KALRN: variants seen among roughly 807,000 people sequenced by gnomAD.
The protein encoded by KALRN is kalirin RhoGEF kinase.
KALRN carries 70 observed loss-of-function variants against 353.7 expected under a neutral mutation model. That is an observed-to-expected ratio of 0.20 (90% CI 0.16 to 0.24). The LOEUF (loss-of-function observed/expected upper bound fraction) is 0.24. KALRN is among the 10% of genes least tolerant of loss of function. The pLI, the probability that KALRN is intolerant of heterozygous loss-of-function variation, is 1.00. For missense variants in KALRN, 2,791 were observed against 3,756.7 expected (o/e 0.74, Z 6.72); for synonymous variants, 1,391 against 1,434.8 (o/e 0.97, Z 0.69).
At position 124,334,576 on chromosome 3, in the gene KALRN, C is replaced by T; in HGVS notation, c.1647+81C>T. ...CAAGTCCCTGACCTAGGTGATCAGG[C>T]TTAGGAGAGCCCAGATTTATAGAAG... On this transcript the variant is annotated intron_variant, in intron 9 of 59. Transcript: ENST00000682506. The surrounding 1 kb of genome is among the most constrained non-coding windows in gnomAD (Gnocchi z 4.2). The T allele has an allele frequency of 1.1e-6, 1 of 891,134 alleles. No homozygotes were observed. 55.2% of individuals were successfully genotyped at this position (891,134 alleles called of 1,614,324 possible). A position where few individuals can be genotyped will look rare whatever the true frequency, so the allele number is the denominator to read the frequency against.
chr3:124,271,352 A>T (rs1228177205), intron 5 of KALRN, among the ~76,000 whole-genome samples: 1 of 152,150 alleles, frequency 6.6e-6, no homozygotes, highest in Non-Finnish European at 1.5e-5. Flanking sequence ...TGCATAGGGC[A>T]CAGATAGTGC....
At chr3:124,413,749 G>A (rs980156733) in intron 14 of KALRN, 84 bp downstream of exon 14, 9 of 1,055,058 alleles carry the variant, frequency 8.5e-6, no homozygotes, top group South Asian at 1.7e-5. Context: ...GTGCCACATC[G>A]TTTATTCATT....
chr3:124,100,153 G>T (rs1401854282), intron 1 of KALRN, among the ~76,000 whole-genome samples: 1 of 152,064 alleles, frequency 6.6e-6, no homozygotes, highest in Admixed American at 6.5e-5. Context: ...GATATAACGA[G>T]ACTCAGTCTC....
intron 1 of KALRN, among the ~76,000 whole-genome samples, chr3:124,200,726 CT>C (rs1186296972): frequency 1.3e-5 from 2 of 152,054 alleles, no homozygotes; most frequent in Admixed American, 1.3e-4. Flanking sequence ...GCCTGAGAGG[CT>C]TTTCTAAGTC....
At chr3:124,669,761 C>T (rs549564626) in intron 47 of KALRN, among the ~76,000 whole-genome samples, 5 of 152,268 alleles carry the variant, frequency 3.3e-5, no homozygotes, top group South Asian at 4.2e-4. Context: ...AAGTCCCTTA[C>T]ATAAAATGGC....
intron 1 of KALRN, among the ~76,000 whole-genome samples, chr3:124,137,859 C>A (rs1389183404): frequency 2.0e-5 from 3 of 152,076 alleles, no homozygotes; most frequent in African/African-American, 7.2e-5. Flanking sequence ...TAATAGTGTC[C>A]TCTGAGGGCA....
chr3:124,561,670 C>G (rs2072030436), intron 33 of KALRN, among the ~76,000 whole-genome samples: 1 of 152,184 alleles, frequency 6.6e-6, no homozygotes, highest in African/African-American at 2.4e-5. Context: ...GCCCTGAAGG[C>G]TTAAATCAGA....
rs371627843 is a variant in KALRN, at chr3:124,682,449, G to A, written c.7377+2932G>A. Among the ~76,000 whole-genome samples, 126 of 152,314 alleles carry A rather than the reference G, an allele frequency of 8.3e-4. No individual in the cohort carries two copies. The Middle Eastern group carries it at 0.014, about 16-fold the overall frequency. On this transcript the variant is annotated intron_variant, in intron 51 of 59. Coordinates refer to ENST00000682506, the MANE Select transcript of KALRN (RefSeq NM_001388419.1). ...ACCATGCACCCTGTGTGTTCACTCC[G>A]TGCTAGATCTCCAGATGTTAAATCC... is the stretch of plus-strand genomic sequence containing the variant.
chr3:124,592,958 T>C (rs2075948408), intron 34 of KALRN, among the ~76,000 whole-genome samples: 1 of 152,208 alleles, frequency 6.6e-6, no homozygotes, highest in African/African-American at 2.4e-5. Context: ...ACTGTCAAAT[T>C]GAAGGGGAGG....
At chr3:124,162,385 A>G (rs968585008) in intron 1 of KALRN, 4 of 152,240 alleles carry the variant, frequency 2.6e-5, no homozygotes, top group Non-Finnish European at 5.9e-5. Context: ...TTGGAACTCA[A>G]CTTCTTTTGG....
intron 34 of KALRN, among the ~76,000 whole-genome samples, chr3:124,577,894 A>AC (rs58503655): frequency 4.0e-5 from 2 of 49,968 alleles, no homozygotes; most frequent in African/African-American, 3.3e-4. Flanking sequence ...AACAAACAAA[A>AC]CCCCCCACCA....
chr3:124,482,832 G>A lies in KALRN; in HGVS notation c.4216G>A (p.Ala1406Thr). Residue 1406 changes from alanine to threonine, a missense_variant, in exon 28 of 60, where the codon GCC (alanine) becomes ACC (threonine). Physicochemically the swap from Ala to Thr is moderately conservative, Grantham distance 58. Around this residue, in one of 11 missense-constraint regions of KALRN, gnomAD observed 54 missense variants for 131.7 expected, o/e 0.41. Coordinates refer to ENST00000682506, the MANE Select transcript of KALRN (RefSeq NM_001388419.1). ...FDEIQQRHGL[A>T]NSISSYLIKP... is the part of the protein sequence containing the mutation. The stretch of plus-strand genomic sequence containing the variant: ...GGAGATACAACAGCGGCATGGTCTG[G>A]CCAACTCCATCTCTTCCTACCTAAT... The A allele has an allele frequency of 6.2e-7, 1 of 1,613,216 alleles. No homozygotes were observed. Among genetic ancestry groups the A allele is most frequent in the Non-Finnish European group, 8.5e-7 (1 of 1,179,246 alleles).
intron 4 of KALRN, among the ~76,000 whole-genome samples, chr3:124,266,902 A>C (rs1260116719): frequency 6.6e-6 from 1 of 152,224 alleles, no homozygotes; most frequent in Admixed American, 6.5e-5. Flanking sequence ...CTATAGATGT[A>C]TAAGCTGAAG....
chr3:124,569,871 G>A (rs2073322351), intron 34 of KALRN, among the ~76,000 whole-genome samples: 1 of 152,182 alleles, frequency 6.6e-6, no homozygotes, highest in South Asian at 2.1e-4. Context: ...TCCTGTGGGT[G>A]CTTTGCCAAC....
rs553297294 is a variant in KALRN, at chr3:124,561,933, A to G, written c.4936-910A>G. ...ATATGAAGCCAGAAGAAAGGGGGGA[A>G]GTGGGGCCAAATCCCCAAGGTGAAA... is the stretch of plus-strand genomic sequence containing the variant. On this transcript the variant is annotated intron_variant, in intron 33 of 59. Transcript: ENST00000682506. Among the ~76,000 whole-genome samples the G allele has an allele frequency of 2.2e-3, 329 of 152,340 alleles. 2 individuals carry two copies. The highest frequency in any genetic ancestry group is 6.4e-3 in the South Asian group (31 of 4,826).
intron 33 of KALRN, among the ~76,000 whole-genome samples, chr3:124,557,267 G>T (rs146878577): frequency 6.6e-6 from 1 of 152,102 alleles, no homozygotes; most frequent in African/African-American, 2.4e-5. Context: ...ATTGGGGCAG[G>T]GGGGCGGTGA....
chr3:124,102,224 C>A (rs2149437577), intron 1 of KALRN, among the ~76,000 whole-genome samples: 1 of 152,208 alleles, frequency 6.6e-6, no homozygotes, highest in South Asian at 2.1e-4. Context: ...ACTAAAGGGA[C>A]CAGGCCTCTT....
Position 124,717,349 on chromosome 3 carries a change from C to T in KALRN, c.8379C>T (p.Tyr2793=). ...YIRDIMEALQ[Y]LHNCRVAHLD... is the part of the protein sequence containing the mutation. The stretch of plus-strand genomic sequence containing the variant: ...GAGACATCATGGAGGCTCTGCAGTA[C>T]CTTCACAACTGCAGGGTTGCACATT... Residue 2793 remains tyrosine (Y), a synonymous_variant, in exon 59 of 60, where the codon TAC becomes TAT. Coordinates refer to ENST00000682506, the MANE Select transcript of KALRN (RefSeq NM_001388419.1). 1 of 1,610,840 alleles carries T rather than the reference C, an allele frequency of 6.2e-7. No individual in the cohort carries two copies. Among genetic ancestry groups the T allele is most frequent in the South Asian group, 1.1e-5 (1 of 90,570 alleles).
At chr3:124,152,462 C>T in intron 1 of KALRN, 2 of 1,273,860 alleles carry the variant, frequency 1.6e-6, no homozygotes, top group Non-Finnish European at 2.3e-6. Flanking sequence ...AAGTTGCCAG[C>T]TTTTCTTGCC....
Sources: gnomAD v4.1 joint callset for allele counts (sites outside exome capture counted in the v4.1 genomes callset) on GRCh38, gnomAD v4.1.1 for gene constraint, gnomAD v4.1.1 regional missense constraint, Gnocchi (gnomAD v3.1) non-coding constraint, MANE v1.5 for transcripts, NCBI Gene and HGNC (gene_info 2026-07-23, HGNC 2026-07-21) for gene names.